Variants in MYOM1 observed in about 807,000 individuals in gnomAD.
The protein encoded by MYOM1 is myomesin 1.
MYOM1 carries 164 observed loss-of-function variants against 205.3 expected under a neutral mutation model. The observed-to-expected ratio is 0.80, with a 90% CI of 0.70 to 0.91. MYOM1 has a LOEUF of 0.91. Ranked by LOEUF, MYOM1 falls within the 40% of genes least tolerant of loss-of-function variation. MYOM1 has a pLI of 0.00. For synonymous variants in MYOM1, 772 were observed against 789.4 expected (o/e 0.98, Z 0.37); for missense variants, 2,011 against 2,127.3 (o/e 0.95, Z 1.08).
At chr18:3,123,493 G>A (rs974241827) in intron 19 of MYOM1, among the ~76,000 whole-genome samples, 18 of 151,794 alleles carry the variant, frequency 1.2e-4, no homozygotes, top group African/African-American at 3.6e-4. Context: ...AGACCAAAAC[G>A]AATGAAGAAA....
intron 18 of MYOM1, among the ~76,000 whole-genome samples, chr18:3,128,588 G>T (rs926317875): frequency 3.3e-5 from 5 of 152,018 alleles, no homozygotes; most frequent in Non-Finnish European, 7.4e-5. Context: ...GTAACTCAAA[G>T]ATATATTTAT....
intron 36 of MYOM1, among the ~76,000 whole-genome samples, chr18:3,072,944 G>A (rs1251249010): frequency 6.6e-6 from 1 of 151,356 alleles, no homozygotes; most frequent in East Asian, 2.0e-4. Flanking sequence ...TACATGCTAG[G>A]GAGATTGGAG....
chr18:3,189,229 A>G lies in MYOM1; in HGVS notation c.432-142T>C. ...CCGACATAGAAAAAGCAGGTGAATC[A>G]GAAGCTGACACTTCATGTACAGAAG... On this transcript the variant is annotated intron_variant, in intron 3 of 37. Transcript: ENST00000356443. This position sits in a 1 kb window ranked among gnomAD's most constrained non-coding sequence, Gnocchi z 4.8. 1 of 726,688 alleles carries G rather than the reference A, an allele frequency of 1.4e-6. No homozygotes were observed. 45.0% of individuals were successfully genotyped at this position (726,688 alleles called of 1,614,324 possible). A position where few individuals can be genotyped will look rare whatever the true frequency, so the allele number is the denominator to read the frequency against.
At chr18:3,161,838 A>G (rs141431645) in intron 10 of MYOM1, among the ~76,000 whole-genome samples, 1 of 152,222 alleles carries the variant, frequency 6.6e-6, no homozygotes, top group East Asian at 1.9e-4. Flanking sequence ...TGCATCATAA[A>G]ATTAAGGGGT....
chr18:3,191,277 C>A (rs2080900966), intron 3 of MYOM1, among the ~76,000 whole-genome samples: 1 of 152,182 alleles, frequency 6.6e-6, no homozygotes. Context: ...ATTTCAGGTG[C>A]CATGCAGAGG....
chr18:3,244,401 C>T, the MYOM1 span, among the ~76,000 whole-genome samples: 1 of 152,162 alleles, frequency 6.6e-6, no homozygotes, highest in Non-Finnish European at 1.5e-5. Flanking sequence ...CCCAGTGTGA[C>T]TGTATCTGGA....
chr18:3,180,095 G>A (rs1330459069), intron 5 of MYOM1, among the ~76,000 whole-genome samples: 1 of 152,156 alleles, frequency 6.6e-6, no homozygotes, highest in African/African-American at 2.4e-5. Context: ...CCAGGAGTTC[G>A]AGACCAGCTG....
intron 2 of MYOM1, among the ~76,000 whole-genome samples, chr18:3,200,674 C>T (rs1378015828): frequency 6.6e-6 from 1 of 151,792 alleles, no homozygotes; most frequent in Non-Finnish European, 1.5e-5. Context: ...TAGAAATTAC[C>T]CATTCTAAAG....
At chr18:3,203,392 T>C (rs950127883) in intron 2 of MYOM1, among the ~76,000 whole-genome samples, 20 of 151,766 alleles carry the variant, frequency 1.3e-4, no homozygotes, top group African/African-American at 4.4e-4. Flanking sequence ...TTTTGCTAAA[T>C]TGACTACAAA....
At chr18:3,126,264 CAAAAAAAAA>C (rs575517054) in intron 19 of MYOM1, among the ~76,000 whole-genome samples, 3 of 65,092 alleles carry the variant, frequency 4.6e-5, no homozygotes, top group Non-Finnish European at 6.4e-5. Flanking sequence ...GACTTCATCT[CAAAAAAAAA>C]AAAAAAAAAA....
chr18:3,233,413 G>GTA, the MYOM1 span, among the ~76,000 whole-genome samples: 1 of 152,240 alleles, frequency 6.6e-6, no homozygotes, highest in Non-Finnish European at 1.5e-5. Context: ...TACAAACAGA[G>GTA]TAAGTTACTC....
At chr18:3,213,420 T>C (rs890889103) in intron 2 of MYOM1, among the ~76,000 whole-genome samples, 2 of 152,252 alleles carry the variant, frequency 1.3e-5, no homozygotes, top group African/African-American at 4.8e-5. Flanking sequence ...GCAGTTTTTT[T>C]CTGTGGACTC....
the MYOM1 span, among the ~76,000 whole-genome samples, chr18:3,228,762 C>G: frequency 6.6e-6 from 1 of 152,178 alleles, no homozygotes; most frequent in East Asian, 1.9e-4. The surrounding 1 kb of genome is among the most constrained non-coding windows in gnomAD (Gnocchi z 4.5). Context: ...GCAGTTAATC[C>G]TGGGTCCCGC....
chr18:3,233,583 G>T, the MYOM1 span, among the ~76,000 whole-genome samples: 1 of 152,172 alleles, frequency 6.6e-6, no homozygotes, highest in African/African-American at 2.4e-5. Context: ...GGGATTACTG[G>T]GTAGCACTGC....
At chr18:3,126,611 C>A in intron 19 of MYOM1, 90 bp downstream of exon 19, 1 of 1,176,904 alleles carries the variant, frequency 8.5e-7, no homozygotes, top group East Asian at 2.5e-5. Flanking sequence ...ACGTGACTCT[C>A]TTACAAGGTG....
intron 10 of MYOM1, 82 bp from the exon 11 acceptor site, chr18:3,155,170 A>G: frequency 7.3e-7 from 1 of 1,375,144 alleles, no homozygotes; most frequent in South Asian, 1.6e-5. Flanking sequence ...CACGCTTCTT[A>G]CCACATCATC....
chr18:3,197,790 G>A (rs529766389), intron 2 of MYOM1, among the ~76,000 whole-genome samples: 6 of 152,088 alleles, frequency 3.9e-5, no homozygotes, highest in South Asian at 2.1e-4. Flanking sequence ...GGAGAATGGC[G>A]TGAACCTGGG....
the MYOM1 span, among the ~76,000 whole-genome samples, chr18:3,244,853 C>T: frequency 7.3e-5 from 11 of 151,080 alleles, no homozygotes; most frequent in African/African-American, 2.7e-4. Context: ...GAGCTGAGAT[C>T]GTGCCACTGC....
intron 2 of MYOM1, among the ~76,000 whole-genome samples, chr18:3,210,466 G>A (rs1240511397): frequency 6.6e-6 from 1 of 152,120 alleles, no homozygotes; most frequent in Non-Finnish European, 1.5e-5. Context: ...AAGCCTCAGT[G>A]TTTTCATCCC....
Sources: gnomAD v4.1 joint callset for allele counts (sites outside exome capture counted in the v4.1 genomes callset) on GRCh38, gnomAD v4.1.1 for gene constraint, Gnocchi (gnomAD v3.1) non-coding constraint, MANE v1.5 for transcripts, NCBI Gene and HGNC (gene_info 2026-07-23, HGNC 2026-07-21) for gene names.